The following PIGU variants were observed in gnomAD, a reference collection of about 807,000 sequenced individuals.
PIGU encodes GPI-anchor transamidase component PIGU.
Under a neutral mutation model 49.9 loss-of-function variants are expected in PIGU, and 24 were observed. The observed-to-expected ratio is 0.48, with a 90% CI of 0.35 to 0.68. The LOEUF is 0.68. Ranked by LOEUF, PIGU falls within the 30% of genes least tolerant of loss-of-function variation. The pLI is 0.01. For missense variants in PIGU, 490 were observed against 532.6 expected, an observed-to-expected ratio of 0.92 and a Z score of 0.79; for synonymous variants, 220 against 205.7, an observed-to-expected ratio of 1.07 and a Z score of -0.59.
chr20:34,619,083 T>A (rs2146744115), intron 6 of PIGU, among the ~76,000 whole-genome samples: 2 of 152,208 alleles, frequency 1.3e-5, no homozygotes, highest in East Asian at 3.9e-4. Flanking sequence ...AGAACAACCC[T>A]AGTTGACAGA....
chr20:34,664,198 C>T (rs964062231), intron 1 of PIGU, among the ~76,000 whole-genome samples: 25 of 152,060 alleles, frequency 1.6e-4, no homozygotes, highest in African/African-American at 5.6e-4. Flanking sequence ...TTGCCCGGGC[C>T]GGAGTGTAAT....
At chr20:34,646,885 G>A (rs1171238911) in intron 2 of PIGU, among the ~76,000 whole-genome samples, 2 of 150,348 alleles carry the variant, frequency 1.3e-5, no homozygotes, top group Non-Finnish European at 3.0e-5. Context: ...TGCAGTGGCT[G>A]GATCTCGCTT....
chr20:34,573,157 A>G (rs1037950974), intron 11 of PIGU, among the ~76,000 whole-genome samples: 1 of 152,050 alleles, frequency 6.6e-6, no homozygotes, highest in Non-Finnish European at 1.5e-5. Context: ...AGCCCATTCC[A>G]TATTCTTCTA....
intron 7 of PIGU, among the ~76,000 whole-genome samples, chr20:34,594,306 G>A (rs1260020620): frequency 4.6e-5 from 7 of 152,308 alleles, no homozygotes; most frequent in African/African-American, 1.7e-4. Flanking sequence ...AACATTACTT[G>A]TAATTGCAAA....
intron 2 of PIGU, among the ~76,000 whole-genome samples, chr20:34,648,756 C>T (rs944552888): frequency 3.3e-5 from 5 of 151,828 alleles, no homozygotes; most frequent in Non-Finnish European, 5.9e-5. Flanking sequence ...GCCATGTTGC[C>T]CAAGCTGGTC....
At chr20:34,602,991 CT>C (rs1370344048) in intron 7 of PIGU, among the ~76,000 whole-genome samples, 1 of 151,316 alleles carries the variant, frequency 6.6e-6, no homozygotes, top group Non-Finnish European at 1.5e-5. Flanking sequence ...ATTTTTAAGT[CT>C]CTTAATTCAT....
At chr20:34,573,824 C>T (rs756257401) in intron 11 of PIGU, among the ~76,000 whole-genome samples, 2 of 152,276 alleles carry the variant, frequency 1.3e-5, no homozygotes, top group Non-Finnish European at 2.9e-5. Flanking sequence ...TCCGGCTGGG[C>T]CCCACCCAGG....
chr20:34,658,624 G>A (rs1318640627), intron 1 of PIGU, among the ~76,000 whole-genome samples: 1 of 151,594 alleles, frequency 6.6e-6, no homozygotes. Flanking sequence ...GGGATGTGAG[G>A]AGCGCCTCTG....
intron 5 of PIGU, among the ~76,000 whole-genome samples, chr20:34,637,251 T>C (rs968509248): frequency 5.9e-5 from 9 of 152,232 alleles, no homozygotes; most frequent in African/African-American, 1.9e-4. Context: ...TGTATATCCC[T>C]AGAAACTGGT....
intron 1 of PIGU, among the ~76,000 whole-genome samples, chr20:34,669,825 T>A (rs1023774381): frequency 5.9e-5 from 9 of 152,076 alleles, no homozygotes; most frequent in Admixed American, 6.6e-5. Flanking sequence ...TCTGGATTCT[T>A]CAATAGATAA....
chr20:34,588,750 A>G (rs916240358), intron 7 of PIGU, 143 bp from the exon 8 acceptor site: 1 of 738,648 alleles, frequency 1.4e-6, no homozygotes. Context: ...TTAACTAAGA[A>G]GGATGTAAGT....
In PIGU at chr20:34,580,369, AC is replaced by A. The variant is rs1180840069; in HGVS notation, c.1051+1178del. 5.3e-5 allele frequency among the ~76,000 whole-genome samples: 8 copies of A among 152,232 alleles called. No individual in the cohort carries two copies. In the East Asian group the frequency reaches 1.5e-3, roughly 29 times the overall value. On this transcript the variant is annotated intron_variant, in intron 10 of 11. Transcript: ENST00000217446. ...GTCAGGCCAGATGGGTCACAGCCCCACTAGGCCATCACCTGCAGGCGTAGCC... is the reference window on the plus strand; with the variant it reads ...GTCAGGCCAGATGGGTCACAGCCCCATAGGCCATCACCTGCAGGCGTAGCC...
chr20:34,645,356 G>T (rs1198761779), intron 2 of PIGU, 22 bp from the exon 3 acceptor site: 10 of 1,552,572 alleles, frequency 6.4e-6, no homozygotes, highest in Non-Finnish European at 8.6e-6. Flanking sequence ...AAACAGACAT[G>T]TAAAAAAAAT....
chr20:34,661,069 T>C (rs1360409734), intron 1 of PIGU, among the ~76,000 whole-genome samples: 1 of 152,346 alleles, frequency 6.6e-6, no homozygotes, highest in African/African-American at 2.4e-5. Flanking sequence ...TAGAGATCTA[T>C]ATTTAATGAA....
chr20:34,614,900 A>G (rs1984950307), intron 7 of PIGU, among the ~76,000 whole-genome samples: 1 of 152,216 alleles, frequency 6.6e-6, no homozygotes, highest in South Asian at 2.1e-4. Flanking sequence ...CCACCTGTAC[A>G]CTTTCAAGAA....
At chr20:34,640,099 C>T (rs942913462) in intron 4 of PIGU, among the ~76,000 whole-genome samples, 2 of 152,136 alleles carry the variant, frequency 1.3e-5, no homozygotes, top group African/African-American at 4.8e-5. Context: ...GGAATGCAGA[C>T]CTCATTCCCC....
chr20:34,591,167 A>G (rs1983963941), intron 7 of PIGU, among the ~76,000 whole-genome samples: 3 of 152,124 alleles, frequency 2.0e-5, no homozygotes, highest in Admixed American at 2.0e-4. Context: ...TTTTATGTAA[A>G]AAAGTATTGC....
chr20:34,633,175 T>C (rs1377750030), intron 6 of PIGU, among the ~76,000 whole-genome samples: 4 of 152,152 alleles, frequency 2.6e-5, no homozygotes, highest in African/African-American at 9.7e-5. Context: ...ATAAAAACTA[T>C]GATGTTGACC....
At chr20:34,628,637 G>A (rs960730997) in intron 6 of PIGU, among the ~76,000 whole-genome samples, 1 of 152,112 alleles carries the variant, frequency 6.6e-6, no homozygotes, top group Non-Finnish European at 1.5e-5. Context: ...GATCACTTGA[G>A]GTCAGGAGTT....
Sources: gnomAD v4.1 joint callset for allele counts (sites outside exome capture counted in the v4.1 genomes callset) on GRCh38, gnomAD v4.1.1 for gene constraint, MANE v1.5 for transcripts, NCBI Gene and HGNC (gene_info 2026-07-23, HGNC 2026-07-21) for gene names.